PRR5L: variants seen among roughly 807,000 people sequenced by gnomAD.
The protein encoded by PRR5L is proline rich 5 like.
PRR5L carries 21 observed loss-of-function variants against 36.4 expected under a neutral mutation model. The ratio of observed to expected loss-of-function variants is 0.58; its 90% CI spans 0.41 to 0.83. The LOEUF is 0.83. PRR5L is among the 40% of genes least tolerant of loss of function. The pLI is 0.00. For synonymous variants in PRR5L, 188 were observed against 197.0 expected (o/e 0.95, Z 0.38); for missense variants, 381 against 473.3 (o/e 0.80, Z 1.81).
At chr11:36,416,064 A>C (rs1000354642) in intron 3 of PRR5L, among the ~76,000 whole-genome samples, 18 of 152,234 alleles carry the variant, frequency 1.2e-4, no homozygotes, top group African/African-American at 4.3e-4. Flanking sequence ...GCACTTCTTC[A>C]CACCCTTTTT....
At chr11:36,402,810 G>A (rs905901434) in intron 2 of PRR5L, among the ~76,000 whole-genome samples, 2 of 152,242 alleles carry the variant, frequency 1.3e-5, no homozygotes, top group Non-Finnish European at 2.9e-5. Context: ...CATGTGAGGA[G>A]CCTGTAAGGC....
At chr11:36,348,379 G>A (rs569849142) in intron 1 of PRR5L, among the ~76,000 whole-genome samples, 1 of 152,262 alleles carries the variant, frequency 6.6e-6, no homozygotes, top group South Asian at 2.1e-4. Context: ...AATGAAGGAT[G>A]TAAATCGAAG....
Position 36,377,326 on chromosome 11 carries a change from G to C in PRR5L, c.-125-23671G>C, listed in dbSNP as rs1483499623. Among the ~76,000 whole-genome samples, 4 of 152,240 alleles carry C rather than the reference G, an allele frequency of 2.6e-5. No individual in the cohort carries two copies. Among genetic ancestry groups the C allele is most frequent in the Admixed American group, 6.5e-5 (1 of 15,292 alleles). On this transcript the variant is annotated intron_variant, in intron 1 of 8. Transcript: ENST00000530639. This position sits in a 1 kb window ranked among gnomAD's most constrained non-coding sequence, Gnocchi z 5.1. ...GGGACGGGCTGTGAGCAAGCCCTGGGACGGCCCGGCTGCGGACCCCGCGCT... is the reference window on the plus strand; with the variant it reads ...GGGACGGGCTGTGAGCAAGCCCTGGCACGGCCCGGCTGCGGACCCCGCGCT...
chr11:36,460,790 G>C (rs1859163600), intron 8 of PRR5L, among the ~76,000 whole-genome samples: 1 of 152,156 alleles, frequency 6.6e-6, no homozygotes, highest in South Asian at 2.1e-4. Context: ...CTGTGACCTG[G>C]TACCACAGGT....
chr11:36,327,950 G>A (rs540278674), intron 1 of PRR5L, among the ~76,000 whole-genome samples: 3 of 152,234 alleles, frequency 2.0e-5, no homozygotes, highest in African/African-American at 7.2e-5. Context: ...AAATCGAGCT[G>A]TAACCCAATC....
At chr11:36,427,992 A>T (rs1412752087) in intron 4 of PRR5L, among the ~76,000 whole-genome samples, 1 of 152,208 alleles carries the variant, frequency 6.6e-6, no homozygotes, top group Non-Finnish European at 1.5e-5. Context: ...AGAGGTCCCC[A>T]TTGAGTCAGC....
At chr11:36,313,316 G>C (rs1457323127) in intron 1 of PRR5L, among the ~76,000 whole-genome samples, 5 of 152,182 alleles carry the variant, frequency 3.3e-5, no homozygotes, top group African/African-American at 1.2e-4. Context: ...GGTATCAGCT[G>C]TGCTATTGGG....
intron 1 of PRR5L, among the ~76,000 whole-genome samples, chr11:36,346,353 G>A (rs1463920868): frequency 3.3e-5 from 5 of 152,172 alleles, no homozygotes; most frequent in Admixed American, 3.3e-4. Context: ...GGAGGCTGAG[G>A]CGGGTGGATC....
chr11:36,331,701 T>C (rs79529443), intron 1 of PRR5L, among the ~76,000 whole-genome samples: 14,636 of 152,216 alleles, frequency 0.096, 1,292 homozygotes, highest in African/African-American at 0.24. Context: ...AATAAATCCA[T>C]TCAATGTTAG....
intron 1 of PRR5L, among the ~76,000 whole-genome samples, chr11:36,378,717 G>T (rs12421645): frequency 0.038 from 5,730 of 152,266 alleles, 147 homozygotes; most frequent in East Asian, 0.1. Flanking sequence ...AAGGGGAAAG[G>T]TGCAAATGCC....
intron 3 of PRR5L, 83 bp downstream of exon 3, chr11:36,403,461 G>GT: frequency 2.1e-6 from 2 of 964,912 alleles, no homozygotes; most frequent in East Asian, 2.6e-5. Flanking sequence ...GGAGCCTTAA[G>GT]GGTTTTTTTT....
chr11:36,332,743 C>T (rs1856731714), intron 1 of PRR5L, among the ~76,000 whole-genome samples: 1 of 152,094 alleles, frequency 6.6e-6, no homozygotes, highest in Non-Finnish European at 1.5e-5. Context: ...TTTAAAGAGC[C>T]TGGCACCTCC....
chr11:36,456,220 A>T (rs956202979), intron 8 of PRR5L, among the ~76,000 whole-genome samples: 6 of 152,148 alleles, frequency 3.9e-5, no homozygotes, highest in Non-Finnish European at 8.8e-5. Flanking sequence ...ATGGACGCCC[A>T]GCTAAAGGTG....
chr11:36,296,670 C>T (rs1856314737), intron 1 of PRR5L, among the ~76,000 whole-genome samples: 1 of 152,222 alleles, frequency 6.6e-6, no homozygotes, highest in Non-Finnish European at 1.5e-5. Context: ...TCTGATATCT[C>T]TGGGTGACCA....
chr11:36,419,777 G>T (rs953055674), intron 4 of PRR5L, among the ~76,000 whole-genome samples: 1 of 152,220 alleles, frequency 6.6e-6, no homozygotes, highest in Non-Finnish European at 1.5e-5. Flanking sequence ...AATTTGTAAT[G>T]ATATTGCATG....
chr11:36,367,181 A>T (rs535840367), intron 1 of PRR5L, among the ~76,000 whole-genome samples: 2 of 152,202 alleles, frequency 1.3e-5, no homozygotes, highest in Admixed American at 6.5e-5. Context: ...AACAGCATGC[A>T]GTAATACACA....
intron 4 of PRR5L, among the ~76,000 whole-genome samples, chr11:36,431,092 T>C (rs749872874): frequency 5.3e-5 from 8 of 152,130 alleles, no homozygotes; most frequent in Non-Finnish European, 1.2e-4. Context: ...CTATAGCCTT[T>C]CAAGGGAAGA....
At chr11:36,450,820 C>G (rs1466956565) in intron 7 of PRR5L, among the ~76,000 whole-genome samples, 1 of 152,236 alleles carries the variant, frequency 6.6e-6, no homozygotes, top group Non-Finnish European at 1.5e-5. Context: ...GCACCTTCCT[C>G]TTTGCATTGT....
intron 3 of PRR5L, among the ~76,000 whole-genome samples, chr11:36,407,132 G>A (rs1857928228): frequency 6.6e-6 from 1 of 152,100 alleles, no homozygotes; most frequent in Non-Finnish European, 1.5e-5. Flanking sequence ...GATACATAAT[G>A]GGTGAGTACG....
Sources: gnomAD v4.1 joint callset for allele counts (sites outside exome capture counted in the v4.1 genomes callset) on GRCh38, gnomAD v4.1.1 for gene constraint, Gnocchi (gnomAD v3.1) non-coding constraint, MANE v1.5 for transcripts, NCBI Gene and HGNC (gene_info 2026-07-23, HGNC 2026-07-21) for gene names.